The following DTL variants were observed in gnomAD, a reference collection of about 807,000 sequenced individuals.
DTL encodes the protein denticleless E3 ubiquitin protein ligase adapter.
DTL carries 46 observed loss-of-function variants against 87.0 expected under a neutral mutation model. The ratio of observed to expected loss-of-function variants is 0.53; its 90% CI spans 0.42 to 0.68. The LOEUF is 0.68. Among genes scored for constraint, DTL ranks in the 30% least tolerant of loss-of-function variants. The pLI is 0.00. For synonymous variants in DTL, 308 were observed against 311.2 expected (o/e 0.99, Z 0.11); for missense variants, 737 against 869.4 (o/e 0.85, Z 1.91).
In DTL at chr1:212,036,481, T is replaced by C. The variant is rs573118391; in HGVS notation, c.52+539T>C. Reference sequence around the variant, plus strand: ...TACACGGTCATAAAAATTTAAATTATAGAGTGAAAGATGCCTGTAACCACA... The same window carrying C: ...TACACGGTCATAAAAATTTAAATTACAGAGTGAAAGATGCCTGTAACCACA... On this transcript the variant is annotated intron_variant, in intron 1 of 14. Coordinates refer to ENST00000366991, the MANE Select transcript of DTL (RefSeq NM_016448.4). Among the ~76,000 whole-genome samples, 5 of 152,268 alleles carry C rather than the reference T, an allele frequency of 3.3e-5. No individual in the cohort carries two copies. The South Asian group carries it at 1.0e-3, about 31-fold the overall frequency.
intron 13 of DTL, 51 bp from the exon 14 acceptor site, chr1:212,100,201 A>G (rs776771729): frequency 7.2e-7 from 1 of 1,393,926 alleles, no homozygotes; most frequent in Non-Finnish European, 9.8e-7. Context: ...GAATTTAGGG[A>G]CTTTGTATGG....
chr1:212,100,789 A>G lies in DTL; in HGVS notation c.1799A>G (p.Lys600Arg). The G allele has an allele frequency of 1.2e-6, 2 of 1,614,142 alleles. No individual in the cohort carries two copies. The highest frequency in any genetic ancestry group is 1.7e-6 in the Non-Finnish European group (2 of 1,180,024). ...CLAGNQEDLS[K>R]DSLGPTKSSK... ...GCTGGTAACCAGGAAGACCTTAGTA[A>G]GGACTCTCTAGGTCCTACCAAATCA... is the stretch of plus-strand genomic sequence containing the variant. Residue 600 changes from lysine (K) to arginine (R), a missense_variant, in exon 14 of 15, where the codon AAG becomes AGG. Physicochemically the swap from Lys to Arg is conservative, Grantham distance 26 (BLOSUM62 2). Coordinates refer to ENST00000366991, the MANE Select transcript of DTL (RefSeq NM_016448.4).
intron 5 of DTL, among the ~76,000 whole-genome samples, chr1:212,054,455 A>G (rs1668099830): frequency 6.6e-6 from 1 of 151,668 alleles, no homozygotes; most frequent in Non-Finnish European, 1.5e-5. Flanking sequence ...TCTCAGGCCA[A>G]TCATTTGCTA....
At chr1:212,058,779 A>G (rs1668252904) in intron 5 of DTL, among the ~76,000 whole-genome samples, 1 of 152,110 alleles carries the variant, frequency 6.6e-6, no homozygotes, top group African/African-American at 2.4e-5. Context: ...AAACAAAATC[A>G]ATAAGGTACT....
chr1:212,049,879 A>C (rs1297618178), intron 5 of DTL, among the ~76,000 whole-genome samples: 1 of 148,590 alleles, frequency 6.7e-6, no homozygotes, highest in African/African-American at 2.6e-5. Flanking sequence ...AAATATGAAT[A>C]CTTTTTTTTT....
At chr1:212,068,820 G>A in intron 10 of DTL, 117 bp downstream of exon 10, 1 of 597,270 alleles carries the variant, frequency 1.7e-6, no homozygotes, top group East Asian at 2.9e-5. Flanking sequence ...TGAGGACTTT[G>A]GCATCTTTGA....
intron 13 of DTL, among the ~76,000 whole-genome samples, chr1:212,081,048 A>T (rs1421103852): frequency 6.6e-6 from 1 of 152,198 alleles, no homozygotes; most frequent in Non-Finnish European, 1.5e-5. Flanking sequence ...AATCCTGAAG[A>T]TGTAAATAGA....
chr1:212,100,157 A>G, intron 13 of DTL, 95 bp from the exon 14 acceptor site: 2 of 891,184 alleles, frequency 2.2e-6, no homozygotes, highest in Non-Finnish European at 1.7e-6. Flanking sequence ...ATTGACCCTT[A>G]GATGATTAGG....
chr1:212,047,594 G>A (rs564991265), intron 5 of DTL, among the ~76,000 whole-genome samples, 177 bp downstream of exon 5: 3 of 151,936 alleles, frequency 2.0e-5, no homozygotes, highest in Non-Finnish European at 4.4e-5. Flanking sequence ...GTGCAGTGGC[G>A]CCATCTCGGC....
intron 13 of DTL, among the ~76,000 whole-genome samples, chr1:212,088,690 C>T (rs1655197251): frequency 6.6e-6 from 1 of 152,226 alleles, no homozygotes; most frequent in Non-Finnish European, 1.5e-5. Flanking sequence ...CAGTACACAG[C>T]TTGTTCAGGA....
At chr1:212,078,307 G>A in intron 12 of DTL, 45 bp downstream of exon 12, 1 of 1,179,858 alleles carries the variant, frequency 8.5e-7, no homozygotes, top group Admixed American at 2.0e-5. Flanking sequence ...GTAGATCACA[G>A]GTTTGTAGGT....
At chr1:212,057,213 A>G (rs891026843) in intron 5 of DTL, among the ~76,000 whole-genome samples, 1 of 152,270 alleles carries the variant, frequency 6.6e-6, no homozygotes, top group African/African-American at 2.4e-5. Context: ...TCAAACTCAA[A>G]AGTCAAAGAC....
chr1:212,090,872 A>G (rs1655261047), intron 13 of DTL, among the ~76,000 whole-genome samples: 1 of 152,230 alleles, frequency 6.6e-6, no homozygotes, highest in Non-Finnish European at 1.5e-5. Context: ...GTCCAAAGAG[A>G]TAAAGGGTTA....
chr1:212,090,213 T>C lies in DTL; in HGVS notation c.1261+9463T>C, dbSNP rs369039240. Among the ~76,000 whole-genome samples, 103 of 152,284 alleles carry C rather than the reference T, an allele frequency of 6.8e-4. 1 individual carries two copies. The highest frequency in any genetic ancestry group is 2.3e-3 in the African/African-American group (95 of 41,568). ...ATCATTTTGGCTGGTTCTAAACATA[T>C]GGTTGATGAGAAAAGTTTAGGCAAA... On this transcript the variant is annotated intron_variant, in intron 13 of 14. Transcript: ENST00000366991.
At chr1:212,071,251 G>A (rs181927803) in intron 10 of DTL, among the ~76,000 whole-genome samples, 89 of 152,320 alleles carry the variant, frequency 5.8e-4, no homozygotes, top group Non-Finnish European at 1.1e-3. Flanking sequence ...TCTCTCTGGA[G>A]TGTGATTGTT....
At chr1:212,088,519 CCCCTGTGAGAGGAGAG>C (rs1263721266) in intron 13 of DTL, among the ~76,000 whole-genome samples, 1 of 152,220 alleles carries the variant, frequency 6.6e-6, no homozygotes, top group East Asian at 1.9e-4. Context: ...GAACCTACTT[CCCCTGTGAGAGGAGAG>C]CTCTGTGGGA....
intron 13 of DTL, among the ~76,000 whole-genome samples, chr1:212,083,218 A>G (rs1378153600): frequency 6.6e-6 from 1 of 152,178 alleles, no homozygotes; most frequent in Non-Finnish European, 1.5e-5. Flanking sequence ...GCAGGCAAAG[A>G]GAGAGATTGG....
chr1:212,100,025 C>T (rs113483214), intron 13 of DTL, among the ~76,000 whole-genome samples: 4 of 151,958 alleles, frequency 2.6e-5, no homozygotes, highest in African/African-American at 7.2e-5. Flanking sequence ...GGTATTTTGT[C>T]GATTTTTACA....
At chr1:212,052,714 G>A (rs928058274) in intron 5 of DTL, among the ~76,000 whole-genome samples, 1 of 146,752 alleles carries the variant, frequency 6.8e-6, no homozygotes, top group African/African-American at 2.5e-5. Context: ...TGCTTCTTCT[G>A]TTACCTTAAT....
Sources: allele counts gnomAD v4.1 joint callset (sites outside exome capture counted in the v4.1 genomes callset), GRCh38; gene constraint gnomAD v4.1.1; transcripts MANE v1.5; gene names NCBI Gene and HGNC (gene_info 2026-07-23, HGNC 2026-07-21).